KCNH8: variants seen among roughly 807,000 people sequenced by gnomAD.
The protein encoded by KCNH8 is potassium voltage-gated channel subfamily H member 8.
A neutral mutation model predicts 103.6 loss-of-function variants in KCNH8; 70 were observed. That is an observed-to-expected ratio of 0.68 (90% CI 0.56 to 0.82). The LOEUF is 0.82. Ranked by LOEUF, KCNH8 falls within the 40% of genes least tolerant of loss-of-function variation. The pLI, the probability that KCNH8 is intolerant of heterozygous loss-of-function variation, is 0.00. For missense variants in KCNH8, 1,217 were observed against 1,329.9 expected, an observed-to-expected ratio of 0.92 and a Z score of 1.32; for synonymous variants, 498 against 489.4, an observed-to-expected ratio of 1.02 and a Z score of -0.23.
At chr3:19,502,238 G>T (rs2068600747) in intron 11 of KCNH8, among the ~76,000 whole-genome samples, 1 of 151,628 alleles carries the variant, frequency 6.6e-6, no homozygotes, top group Admixed American at 6.6e-5. Context: ...CCTCTTCAAG[G>T]AGAACTACAA....
intron 1 of KCNH8, among the ~76,000 whole-genome samples, chr3:19,171,911 A>G (rs1038899030): frequency 1.9e-4 from 29 of 152,180 alleles, no homozygotes; most frequent in Non-Finnish European, 3.5e-4. Context: ...TTCATTCTGA[A>G]TGAGGATAAG....
At position 19,517,990 on chromosome 3, in the gene KCNH8, C is replaced by A; in HGVS notation, c.2543-8C>A. ...AAGGACTCATTCTGTATGTGTGTCA[C>A]TTTTCAGATCCAGAGATTGGAGCTG... On this transcript the variant is annotated splice_region_variant and splice_polypyrimidine_tract_variant and intron_variant, in intron 14 of 15. Transcript: ENST00000328405. 6.2e-7 allele frequency: 1 copy of A among 1,610,590 alleles called. No individual in the cohort carries two copies.
chr3:19,154,096 G>A (rs922013270), intron 1 of KCNH8, among the ~76,000 whole-genome samples: 1 of 152,174 alleles, frequency 6.6e-6, no homozygotes, highest in Non-Finnish European at 1.5e-5. Flanking sequence ...TTCAGAAGGT[G>A]CAGACAAAGG....
chr3:19,156,245 C>G (rs969541922), intron 1 of KCNH8, among the ~76,000 whole-genome samples: 1 of 152,142 alleles, frequency 6.6e-6, no homozygotes, highest in African/African-American at 2.4e-5. Context: ...AATAACCCAG[C>G]AAGGTGGAAG....
rs769266397 is a variant in KCNH8, at chr3:19,528,951, G to A, written c.2620-4444G>A. Among the ~76,000 whole-genome samples the A allele has an allele frequency of 3.9e-5, 6 of 152,100 alleles. No homozygotes were observed. In the East Asian group the frequency reaches 7.7e-4, roughly 20 times the overall value. Reference sequence around the variant, plus strand: ...GCTATGTGAGTGTCAATAAGCCAAGGAAAGGCTCTGCTGAGAAAATTAAGT... The same window carrying A: ...GCTATGTGAGTGTCAATAAGCCAAGAAAAGGCTCTGCTGAGAAAATTAAGT... On this transcript the variant is annotated intron_variant, in intron 15 of 15. Transcript: ENST00000328405.
At chr3:19,201,528 T>TG (rs1178381256) in intron 1 of KCNH8, among the ~76,000 whole-genome samples, 1 of 151,794 alleles carries the variant, frequency 6.6e-6, no homozygotes, top group Non-Finnish European at 1.5e-5. Flanking sequence ...AGTGACAGAG[T>TG]GGGGGAACTT....
chr3:19,236,413 T>C (rs2064065969), intron 1 of KCNH8, among the ~76,000 whole-genome samples: 1 of 152,178 alleles, frequency 6.6e-6, no homozygotes, highest in Admixed American at 6.5e-5. Context: ...TTCTCCAGCC[T>C]GTTAATATGC....
chr3:19,444,827 A>T (rs1434064095), intron 8 of KCNH8, among the ~76,000 whole-genome samples: 1 of 151,972 alleles, frequency 6.6e-6, no homozygotes, highest in Non-Finnish European at 1.5e-5. Flanking sequence ...GATATGTTTA[A>T]AAACACTGCA....
At chr3:19,338,737 G>A (rs936046891) in intron 3 of KCNH8, among the ~76,000 whole-genome samples, 1 of 151,870 alleles carries the variant, frequency 6.6e-6, no homozygotes, top group Non-Finnish European at 1.5e-5. Flanking sequence ...TGTGAATATT[G>A]TTAAAATGTT....
rs139796477 is a variant in KCNH8, at chr3:19,483,482, C to A, written c.2040+26500C>A. On this transcript the variant is annotated intron_variant, in intron 11 of 15. Coordinates refer to ENST00000328405, the MANE Select transcript of KCNH8 (RefSeq NM_144633.3). ...AATTGTCAGGGTGATTTTTCTGAGC[C>A]GGGAATTCATCAGGAACTGGGTCTG... Among the ~76,000 whole-genome samples, 3 of 151,922 alleles carry A rather than the reference C, an allele frequency of 2.0e-5. No homozygotes were observed. The South Asian group carries it at 6.2e-4, about 32-fold the overall frequency.
intron 5 of KCNH8, among the ~76,000 whole-genome samples, chr3:19,373,085 G>T (rs556238602): frequency 5.3e-5 from 8 of 152,004 alleles, no homozygotes; most frequent in African/African-American, 1.7e-4. Context: ...TTTTGGTTGT[G>T]TCTGTGCCCG....
intron 8 of KCNH8, among the ~76,000 whole-genome samples, chr3:19,445,326 G>T (rs2067347584): frequency 6.6e-6 from 1 of 151,626 alleles, no homozygotes; most frequent in Non-Finnish European, 1.5e-5. Context: ...GAAGGGATTG[G>T]TTAGTGATTG....
intron 3 of KCNH8, among the ~76,000 whole-genome samples, chr3:19,315,745 G>A (rs1378625635): frequency 2.6e-5 from 4 of 151,846 alleles, no homozygotes; most frequent in African/African-American, 9.7e-5. Context: ...TTCAACCAGG[G>A]CATTTTTATC....
intron 7 of KCNH8, among the ~76,000 whole-genome samples, chr3:19,424,827 AC>A: frequency 6.6e-6 from 1 of 152,350 alleles, no homozygotes; most frequent in Middle Eastern, 3.4e-3. Context: ...CAAATGGCCA[AC>A]AAACATATAA....
At chr3:19,171,391 C>T (rs2063347155) in intron 1 of KCNH8, among the ~76,000 whole-genome samples, 1 of 152,074 alleles carries the variant, frequency 6.6e-6, no homozygotes, top group African/African-American at 2.4e-5. Context: ...ATTTATCTCT[C>T]TATATCTATT....
rs577645306 is a variant in KCNH8, at chr3:19,172,323, T to C, written c.76+23528T>C. Reference sequence around the variant, plus strand: ...TATATACTTCTCTTCTCCATAAGAATACATACCCCTTAAAGACAGTCTTGT... The same window carrying C: ...TATATACTTCTCTTCTCCATAAGAACACATACCCCTTAAAGACAGTCTTGT... On this transcript the variant is annotated intron_variant, in intron 1 of 15. Transcript: ENST00000328405. Among the ~76,000 whole-genome samples the C allele has an allele frequency of 1.1e-3, 174 of 152,326 alleles. 1 individual carries two copies. The highest frequency in any genetic ancestry group is 3.4e-3 in the Middle Eastern group (1 of 294).
intron 15 of KCNH8, among the ~76,000 whole-genome samples, chr3:19,528,159 A>G (rs1292597121): frequency 1.3e-5 from 2 of 152,086 alleles, no homozygotes; most frequent in Non-Finnish European, 2.9e-5. Context: ...TAAACAAATA[A>G]GAATGTATAT....
chr3:19,525,128 C>T (rs977626917), intron 15 of KCNH8, among the ~76,000 whole-genome samples: 4 of 151,886 alleles, frequency 2.6e-5, no homozygotes, highest in African/African-American at 4.8e-5. Context: ...TGCTAATAAG[C>T]TCAACTTAGT....
chr3:19,391,774 C>G (rs1439928941), intron 6 of KCNH8: 1 of 151,910 alleles, frequency 6.6e-6, no homozygotes, highest in Non-Finnish European at 1.5e-5. Context: ...TAGTACATAT[C>G]AATCACTGCT....
Sources: gnomAD v4.1 joint callset for allele counts (sites outside exome capture counted in the v4.1 genomes callset) on GRCh38, gnomAD v4.1.1 for gene constraint, MANE v1.5 for transcripts, NCBI Gene and HGNC (gene_info 2026-07-23, HGNC 2026-07-21) for gene names.